PTPRM: variants seen among roughly 807,000 people sequenced by gnomAD.
The protein encoded by PTPRM is receptor-type tyrosine-protein phosphatase mu.
Under a neutral mutation model 186.7 loss-of-function variants are expected in PTPRM, and 47 were observed. The observed-to-expected ratio is 0.25, with a 90% CI of 0.20 to 0.32. PTPRM has a LOEUF of 0.32. Ranked by LOEUF, PTPRM falls within the 10% of genes least tolerant of loss-of-function variation. The pLI is 1.00. For missense variants in PTPRM, 1,494 were observed against 1,865.0 expected, an observed-to-expected ratio of 0.80 and a Z score of 3.66; for synonymous variants, 668 against 674.9, an observed-to-expected ratio of 0.99 and a Z score of 0.16.
intron 23 of PTPRM, among the ~76,000 whole-genome samples, chr18:8,370,588 G>A (rs980501758): frequency 1.3e-4 from 20 of 152,136 alleles, no homozygotes; most frequent in African/African-American, 3.4e-4. Flanking sequence ...TTTGCAGGCC[G>A]TTCTCTGAGT....
chr18:7,918,078 T>TTGTGTG (rs35838540), intron 4 of PTPRM, among the ~76,000 whole-genome samples: 1,864 of 148,074 alleles, frequency 0.013, 40 homozygotes, highest in African/African-American at 0.042. Context: ...TCTTGTGTGT[T>TTGTGTG]TGTGTGTGTG....
intron 9 of PTPRM, among the ~76,000 whole-genome samples, chr18:8,082,499 T>TTCTCTCCCTCCC (rs2090183835): frequency 9.4e-6 from 1 of 106,246 alleles, no homozygotes; most frequent in Non-Finnish European, 1.9e-5. Flanking sequence ...TTCTCCCTCC[T>TTCTCTCCCTCCC]TCTCTCCCTC....
intron 1 of PTPRM, among the ~76,000 whole-genome samples, chr18:7,726,390 C>T (rs916028732): frequency 5.9e-5 from 9 of 152,098 alleles, no homozygotes; most frequent in African/African-American, 1.7e-4. Context: ...GGTTAAAAGT[C>T]GCTTATCAGA....
intron 24 of PTPRM, among the ~76,000 whole-genome samples, chr18:8,371,289 G>C (rs573550912): frequency 6.6e-6 from 1 of 152,106 alleles, no homozygotes; most frequent in Non-Finnish European, 1.5e-5. Context: ...TGTTCTGCCC[G>C]TCTCTCTTTC....
intron 19 of PTPRM, among the ~76,000 whole-genome samples, chr18:8,282,080 T>C (rs552860066): frequency 1.3e-5 from 2 of 152,112 alleles, no homozygotes; most frequent in South Asian, 4.1e-4. Flanking sequence ...ATTCTAAAAA[T>C]TTAGTTTAAA....
intron 14 of PTPRM, among the ~76,000 whole-genome samples, chr18:8,210,508 C>T (rs2093988690): frequency 6.6e-6 from 1 of 152,134 alleles, no homozygotes; most frequent in Non-Finnish European, 1.5e-5. Flanking sequence ...CATGGCTCTA[C>T]CTGCATCTGG....
intron 2 of PTPRM, among the ~76,000 whole-genome samples, chr18:7,863,363 C>G (rs978716331): frequency 6.6e-6 from 1 of 152,020 alleles, no homozygotes; most frequent in Non-Finnish European, 1.5e-5. Flanking sequence ...CCCTCACCCC[C>G]GACAGGCCCT....
chr18:7,968,171 A>T (rs2147268484), intron 7 of PTPRM, among the ~76,000 whole-genome samples: 1 of 103,926 alleles, frequency 9.6e-6, no homozygotes, highest in African/African-American at 4.3e-5. Flanking sequence ...TAAAGAAAAG[A>T]ATTTTCAACC....
At chr18:7,894,594 T>A (rs9955314) in intron 3 of PTPRM, among the ~76,000 whole-genome samples, 60,427 of 150,286 alleles carry the variant, frequency 0.4, 15,555 homozygotes, top group African/African-American at 0.72. Context: ...TCAGGAAAAA[T>A]ATATATATAT....
At chr18:7,993,848 C>T (rs2083392195) in intron 7 of PTPRM, among the ~76,000 whole-genome samples, 1 of 151,998 alleles carries the variant, frequency 6.6e-6, no homozygotes, top group Non-Finnish European at 1.5e-5. Flanking sequence ...AATGTTATTA[C>T]TACAGAAAGC....
chr18:8,384,493 C>G, intron 29 of PTPRM, 68 bp from the exon 30 acceptor site: 1 of 1,571,664 alleles, frequency 6.4e-7, no homozygotes, highest in Non-Finnish European at 8.7e-7. Flanking sequence ...CAATACTAAC[C>G]TTATCCAAAC....
rs148596526 is a variant in PTPRM at position 8,146,121 on chromosome 18, C to T, written c.2300+2342C>T. Among the ~76,000 whole-genome samples, 423 of 151,588 alleles carry T rather than the reference C, an allele frequency of 2.8e-3. 2 individuals carry two copies. The highest frequency in any genetic ancestry group is 6.4e-3 in the Admixed American group (97 of 15,216). On this transcript the variant is annotated intron_variant, in intron 14 of 32. Transcript: ENST00000580170. The stretch of plus-strand genomic sequence containing the variant: ...CCAGCTCGCTGCAACCTCCGCCTCC[C>T]AGGTTCAAGCAATTATCCTGCCTCA...
intron 7 of PTPRM, among the ~76,000 whole-genome samples, chr18:7,976,068 C>T (rs1244236112): frequency 6.6e-6 from 1 of 152,096 alleles, no homozygotes; most frequent in Non-Finnish European, 1.5e-5. Flanking sequence ...ACTCAGGAGG[C>T]TGAGGCAGGA....
intron 23 of PTPRM, among the ~76,000 whole-genome samples, chr18:8,352,886 G>T (rs529707323): frequency 6.6e-6 from 1 of 152,070 alleles, no homozygotes; most frequent in Non-Finnish European, 1.5e-5. Context: ...TGGCCAGGCT[G>T]GTCTTGAACT....
chr18:7,884,666 T>C (rs71362008), intron 2 of PTPRM, among the ~76,000 whole-genome samples: 4,148 of 152,180 alleles, frequency 0.027, 113 homozygotes, highest in Non-Finnish European at 0.039. Flanking sequence ...CTCTTGCCTG[T>C]AATCCCAGCA....
chr18:8,239,286 A>G (rs2094389644), intron 14 of PTPRM, among the ~76,000 whole-genome samples: 2 of 151,502 alleles, frequency 1.3e-5, no homozygotes, highest in Admixed American at 1.3e-4. Context: ...GAGAATGATG[A>G]TTTCCAATTT....
rs570853597 is a variant in PTPRM at position 8,099,575 on chromosome 18, G to A, written c.1856+10724G>A. On this transcript the variant is annotated intron_variant, in intron 11 of 32. Transcript: ENST00000580170. ...AAGTAAACAGGCCAATGTGTCTTCC[G>A]GATGGAAAATTAACAGATTACCGTG... Among the ~76,000 whole-genome samples, 18 of 151,994 alleles carry A rather than the reference G, an allele frequency of 1.2e-4. No homozygotes were observed. The East Asian group carries it at 1.4e-3, about 11-fold the overall frequency.
chr18:8,154,364 C>T (rs139437355), intron 14 of PTPRM, among the ~76,000 whole-genome samples: 157 of 152,272 alleles, frequency 1.0e-3, no homozygotes, highest in Non-Finnish European at 1.5e-3. Context: ...CTGAGTCGTC[C>T]ACCTCAAATA....
intron 1 of PTPRM, among the ~76,000 whole-genome samples, chr18:7,727,215 G>A (rs2040567529): frequency 6.6e-6 from 1 of 152,106 alleles, no homozygotes; most frequent in African/African-American, 2.4e-5. Flanking sequence ...CCATGACTGA[G>A]TAACCCATGA....
Sources: allele counts gnomAD v4.1 joint callset (sites outside exome capture counted in the v4.1 genomes callset), GRCh38; gene constraint gnomAD v4.1.1; transcripts MANE v1.5; gene names NCBI Gene and HGNC (gene_info 2026-07-23, HGNC 2026-07-21).